CNKSR1: variants seen among roughly 807,000 people sequenced by gnomAD.
The protein encoded by CNKSR1 is connector enhancer of kinase suppressor of Ras 1.
CNKSR1 carries 88 observed loss-of-function variants against 95.6 expected under a neutral mutation model. The ratio of observed to expected loss-of-function variants is 0.92; its 90% CI spans 0.78 to 1.10. The LOEUF (loss-of-function observed/expected upper bound fraction) is 1.10, where lower values mean the gene tolerates loss of function less well. CNKSR1 is among the 50% of genes least tolerant of loss of function. The pLI is 0.00. For missense variants in CNKSR1, 836 were observed against 912.0 expected (o/e 0.92, Z 1.07); for synonymous variants, 355 against 369.7 (o/e 0.96, Z 0.46).
chr1:26,184,166 C>G, intron 10 of CNKSR1, 25 bp downstream of exon 10: 1 of 1,612,424 alleles, frequency 6.2e-7, no homozygotes, highest in South Asian at 1.1e-5. Flanking sequence ...CCAGGTGTGT[C>G]TTGGTGGGGA....
At chr1:26,182,643 G>A in intron 6 of CNKSR1, 59 bp downstream of exon 6, 1 of 1,415,486 alleles carries the variant, frequency 7.1e-7, no homozygotes, top group Non-Finnish European at 9.9e-7. Flanking sequence ...TCTGGGCCCT[G>A]AAATAGGGTC....
intron 6 of CNKSR1, 123 bp from the exon 7 acceptor site, chr1:26,183,074 C>A: frequency 2.0e-6 from 2 of 979,982 alleles, no homozygotes; most frequent in Non-Finnish European, 3.3e-6. Context: ...CTGGGCAGGA[C>A]CAGCTTGGGG....
intron 4 of CNKSR1, 200 bp downstream of exon 4, chr1:26,182,141 C>G: frequency 1.4e-6 from 1 of 719,292 alleles, no homozygotes; most frequent in South Asian, 1.7e-5. Context: ...ACACTCAGGA[C>G]AGGGAAGGAG....
chr1:26,180,594 A>C lies in CNKSR1; in HGVS notation c.194A>C (p.Glu65Ala). 1 of 1,614,156 alleles carries C rather than the reference A, an allele frequency of 6.2e-7. No homozygotes were observed. Among genetic ancestry groups the C allele is most frequent in the Non-Finnish European group, 8.5e-7 (1 of 1,180,034 alleles). Residue 65 changes from glutamate to alanine, a missense_variant, in exon 2 of 21, where the codon GAA becomes GCA. By Grantham distance (107) the Glu-to-Ala change is moderately radical. Coordinates refer to ENST00000361530, the MANE Select transcript of CNKSR1 (RefSeq NM_006314.3). ...CAGGAGCTCATCCTGGGCGGGGTGG[A>C]ACAGCTCCAGGCCCTGGTGAGTGAA... is the stretch of plus-strand genomic sequence containing the variant. ...GHQELILGGV[E>A]QLQALSSRLQ...
Position 26,180,106 on chromosome 1 carries a change from G to A in CNKSR1, c.53-347G>A, listed in dbSNP as rs1046039028. Reference sequence around the variant, plus strand: ...AGCCGTGACTGTGTCTCAAGCCCCTGTCTCAAAAAGAAAAAACAAAACAAA... The same window carrying A: ...AGCCGTGACTGTGTCTCAAGCCCCTATCTCAAAAAGAAAAAACAAAACAAA... On this transcript the variant is annotated intron_variant, in intron 1 of 20. Transcript: ENST00000361530. 5.4e-5 allele frequency: 19 copies of A among 353,706 alleles called. No individual in the cohort carries two copies. In the Admixed American group the frequency reaches 8.0e-4, roughly 15 times the overall value. 21.9% of individuals were successfully genotyped at this position (353,706 alleles called of 1,614,324 possible). A position where few individuals can be genotyped will look rare whatever the true frequency, so the allele number is the denominator to read the frequency against.
At chr1:26,178,576 C>T (rs79847286) in intron 1 of CNKSR1, among the ~76,000 whole-genome samples, 2,972 of 152,274 alleles carry the variant, frequency 0.02, 98 homozygotes, top group African/African-American at 0.062. Context: ...GGAGCTGGAG[C>T]GCACTAGAGA....
In CNKSR1 at chr1:26,182,496, G is replaced by A; in HGVS notation, c.536G>A (p.Gly179Glu). Reference protein sequence around the residue: ...TVLRICSHVAGICHNILVCCP... With the variant: ...TVLRICSHVAEICHNILVCCP... ...CTCCCCCAGTGCAGCCACGTGGCTG[G>A]GATCTGCCACAACATCCTGGTCTGC... is the stretch of plus-strand genomic sequence containing the variant. Residue 179 changes from glycine (G) to glutamate (E), a missense_variant, in exon 6 of 21, where the codon GGG becomes GAG. By Grantham distance (98) the Gly-to-Glu change is moderately conservative (BLOSUM62 -2). Coordinates refer to ENST00000361530, the MANE Select transcript of CNKSR1 (RefSeq NM_006314.3). The A allele has an allele frequency of 6.2e-7, 1 of 1,614,038 alleles. No individual in the cohort carries two copies. Among genetic ancestry groups the A allele is most frequent in the Admixed American group, 1.7e-5 (1 of 60,026 alleles).
intron 19 of CNKSR1, 34 bp downstream of exon 19, chr1:26,188,731 C>A: frequency 6.2e-7 from 1 of 1,611,606 alleles, no homozygotes; most frequent in Non-Finnish European, 8.5e-7. Flanking sequence ...GGGCTGGGGG[C>A]TGGGGTGGGC....
intron 20 of CNKSR1, 35 bp from the exon 21 acceptor site, chr1:26,189,244 T>A (rs150350322): frequency 6.2e-7 from 1 of 1,612,520 alleles, no homozygotes; most frequent in Non-Finnish European, 8.5e-7. Flanking sequence ...CTTCCCTGGG[T>A]GATCATGGTC....
At chr1:26,177,663 G>A (rs984285289) in intron 1 of CNKSR1, 64 bp downstream of exon 1, 58 of 1,587,772 alleles carry the variant, frequency 3.7e-5, no homozygotes, top group Admixed American at 5.1e-5. Flanking sequence ...ACCGGGAAGC[G>A]GGAGGAGAGG....
chr1:26,180,954 C>T (rs568171142), intron 3 of CNKSR1, 58 bp downstream of exon 3: 13 of 1,598,642 alleles, frequency 8.1e-6, no homozygotes, highest in East Asian at 2.2e-5. Context: ...TCCTTCAGGG[C>T]GTGGGAGAGA....
intron 4 of CNKSR1, 190 bp from the exon 5 acceptor site, chr1:26,182,171 C>A: frequency 1.4e-6 from 1 of 711,562 alleles, no homozygotes; most frequent in Non-Finnish European, 2.4e-6. Context: ...CGTGTGGTGA[C>A]TTCTGGGGGC....
chr1:26,181,928 A>G lies in CNKSR1; in HGVS notation c.464A>G (p.Gln155Arg). 2 of 1,614,002 alleles carry G rather than the reference A, an allele frequency of 1.2e-6. No individual in the cohort carries two copies. Among genetic ancestry groups the G allele is most frequent in the Non-Finnish European group, 1.7e-6 (2 of 1,179,888 alleles). The change falls in exon 4 of 21, where the codon CAG becomes CGG. Residue 155 changes from glutamine to arginine, a missense_variant. Gln to Arg is a conservative substitution (Grantham distance 43). Coordinates refer to ENST00000361530, the MANE Select transcript of CNKSR1 (RefSeq NM_006314.3). ...EIRDLLEELS[Q>R]VLHEDGPAAE... ...CGAGACTTGTTGGAGGAGCTGAGCC[A>G]GGTCTTGCATGAGGTAGGAGAACCA...
Position 26,188,323 on chromosome 1 carries a change from G to T in CNKSR1, c.1528+16G>T. 1 of 1,613,930 alleles carries T rather than the reference G, an allele frequency of 6.2e-7. No homozygotes were observed. The highest frequency in any genetic ancestry group is 8.5e-7 in the Non-Finnish European group (1 of 1,179,862). On this transcript the variant is annotated intron_variant, in intron 17 of 20. Transcript: ENST00000361530. ...CGAGAGGAAGGTAGGTGTCTCGCAG[G>T]GTTGAGTGGGAGGAACCCTCACCTG...
chr1:26,177,497 C>T lies in CNKSR1; in HGVS notation c.-51C>T, dbSNP rs549537477. ...GCCTGGGCTCTGGGAGCGGAAATTC[C>T]GGCGACAGCAGGGCAAAACAGGAGC... On this transcript the variant is annotated 5_prime_UTR_variant, in exon 1 of 21. Coordinates refer to ENST00000361530, the MANE Select transcript of CNKSR1 (RefSeq NM_006314.3). 1.5e-5 allele frequency: 24 copies of T among 1,610,138 alleles called. No homozygotes were observed. Among genetic ancestry groups the T allele is most frequent in the African/African-American group, 1.3e-4 (10 of 75,028 alleles).
chr1:26,184,971 C>G, intron 13 of CNKSR1, 43 bp from the exon 14 acceptor site: 1 of 1,547,646 alleles, frequency 6.5e-7, no homozygotes, highest in Non-Finnish European at 8.7e-7. Context: ...GCGGGGGCAC[C>G]TTGCCAGCCC....
At chr1:26,181,397 G>T (rs1275879427) in intron 3 of CNKSR1, among the ~76,000 whole-genome samples, 1 of 151,072 alleles carries the variant, frequency 6.6e-6, no homozygotes, top group African/African-American at 2.4e-5. Flanking sequence ...TGTAATAATC[G>T]ATCTCATCAA....
At chr1:26,186,871 G>A (rs981727678) in intron 14 of CNKSR1, 1 of 389,478 alleles carries the variant, frequency 2.6e-6, no homozygotes, top group African/African-American at 2.1e-5. Context: ...CCAAAGTGCT[G>A]GGATTACAGG....
At chr1:26,182,747 G>A (rs778750928) in intron 6 of CNKSR1, among the ~76,000 whole-genome samples, 163 bp downstream of exon 6, 8 of 152,294 alleles carry the variant, frequency 5.3e-5, no homozygotes, top group East Asian at 1.9e-4. Flanking sequence ...AGGGTCTCCC[G>A]TTGCTCTGCA....
Sources: gnomAD v4.1 joint callset for allele counts (sites outside exome capture counted in the v4.1 genomes callset) on GRCh38, gnomAD v4.1.1 for gene constraint, MANE v1.5 for transcripts, NCBI Gene and HGNC (gene_info 2026-07-23, HGNC 2026-07-21) for gene names.